CD86: variants seen among roughly 807,000 people sequenced by gnomAD.
The protein encoded by CD86 is T-lymphocyte activation antigen CD86.
Under a neutral mutation model 32.1 loss-of-function variants are expected in CD86, and 11 were observed. That is an observed-to-expected ratio of 0.34 (90% confidence interval 0.22 to 0.57). The LOEUF (loss-of-function observed/expected upper bound fraction) is 0.57. CD86 is among the 20% of genes least tolerant of loss of function. CD86 has a pLI of 0.86. For synonymous variants in CD86, 137 were observed against 135.3 expected (o/e 1.01, Z -0.09); for missense variants, 359 against 398.4 (o/e 0.90, Z 0.84).
chr3:122,078,820 A>T (rs2072589916), intron 1 of CD86, among the ~76,000 whole-genome samples: 1 of 152,230 alleles, frequency 6.6e-6, no homozygotes, highest in Non-Finnish European at 1.5e-5. Flanking sequence ...AACTGTAATA[A>T]TGAAGGAAAT....
At chr3:122,090,161 C>T (rs541867878) in intron 1 of CD86, among the ~76,000 whole-genome samples, 2 of 152,130 alleles carry the variant, frequency 1.3e-5, no homozygotes, top group African/African-American at 4.8e-5. Context: ...GTACCATCTA[C>T]ATTTAGTACC....
In CD86 at chr3:122,055,380, C is replaced by A; in HGVS notation, c.-110C>A. The A allele has an allele frequency of 9.3e-7, 1 of 1,073,288 alleles. No individual in the cohort carries two copies. Among genetic ancestry groups the A allele is most frequent in the Non-Finnish European group, 1.4e-6 (1 of 692,256 alleles). 66.5% of individuals were successfully genotyped at this position (1,073,288 alleles called of 1,614,324 possible). ...GGTATACAGTCATTGCCGAGGAAGG[C>A]TTGCACAGGGTGAAAGCTTTGCTTC... On this transcript the variant is annotated 5_prime_UTR_variant, in exon 1 of 7. Transcript: ENST00000330540.
At chr3:122,082,849 G>A (rs959851354) in intron 1 of CD86, among the ~76,000 whole-genome samples, 2 of 152,126 alleles carry the variant, frequency 1.3e-5, no homozygotes, top group Admixed American at 6.5e-5. Flanking sequence ...TTTGATTTCT[G>A]TTGCTTTTAT....
chr3:122,115,675 G>C lies in CD86; in HGVS notation c.848-2373G>C, dbSNP rs2073238288. Among the ~76,000 whole-genome samples, 3 of 142,312 alleles carry C rather than the reference G, an allele frequency of 2.1e-5. No homozygotes were observed. The South Asian group carries it at 7.2e-4, about 34-fold the overall frequency. 93.4% of individuals were successfully genotyped at this position (142,312 alleles called of 152,430 possible). On this transcript the variant is annotated intron_variant, in intron 5 of 6. Transcript: ENST00000330540. ...GAATTGCTTGAACCCGGGAGGCAGAGGTTGCTGTGAGCTGAGATCGTGCCA... is the reference window on the plus strand; with the variant it reads ...GAATTGCTTGAACCCGGGAGGCAGACGTTGCTGTGAGCTGAGATCGTGCCA...
intron 1 of CD86, among the ~76,000 whole-genome samples, chr3:122,069,693 G>T (rs1305809672): frequency 6.6e-6 from 1 of 152,088 alleles, no homozygotes; most frequent in Non-Finnish European, 1.5e-5. Context: ...GGCCCCTGTG[G>T]CCTTCCTCCA....
intron 1 of CD86, among the ~76,000 whole-genome samples, chr3:122,061,182 TAAA>T (rs1216061518): frequency 6.6e-6 from 1 of 152,180 alleles, no homozygotes; most frequent in African/African-American, 2.4e-5. Flanking sequence ...TGGATAAACC[TAAA>T]ATACTCAACT....
At chr3:122,060,885 A>G (rs2072323282) in intron 1 of CD86, among the ~76,000 whole-genome samples, 1 of 152,180 alleles carries the variant, frequency 6.6e-6, no homozygotes, top group Admixed American at 6.5e-5. Context: ...CAAGCCCAAG[A>G]GGAATTTCAG....
At chr3:122,089,249 A>G (rs934037056) in intron 1 of CD86, among the ~76,000 whole-genome samples, 4 of 152,222 alleles carry the variant, frequency 2.6e-5, no homozygotes, top group Non-Finnish European at 4.4e-5. Context: ...AGATGGATGT[A>G]GTGATGACTG....
At chr3:122,076,501 A>C (rs1198017960) in intron 1 of CD86, among the ~76,000 whole-genome samples, 1 of 152,226 alleles carries the variant, frequency 6.6e-6, no homozygotes, top group East Asian at 1.9e-4. Flanking sequence ...GGTGGGATCT[A>C]TCTGTATGAA....
chr3:122,096,770 T>C (rs1028511733), intron 2 of CD86, among the ~76,000 whole-genome samples: 2 of 152,236 alleles, frequency 1.3e-5, no homozygotes, highest in Admixed American at 1.3e-4. Context: ...GAATCCATGC[T>C]ATTAGTTATA....
chr3:122,087,920 C>T (rs1025067784), intron 1 of CD86, among the ~76,000 whole-genome samples: 3 of 152,136 alleles, frequency 2.0e-5, no homozygotes, highest in African/African-American at 7.2e-5. Flanking sequence ...GATTCCTTGT[C>T]AGGGTCAGTG....
At chr3:122,115,208 A>G (rs756981081) in intron 5 of CD86, among the ~76,000 whole-genome samples, 1 of 152,242 alleles carries the variant, frequency 6.6e-6, no homozygotes, top group Non-Finnish European at 1.5e-5. Context: ...AATTATTTCT[A>G]TATACTAACA....
rs746331733 is a variant in CD86, at chr3:122,106,489, C to CT, written c.695dup (p.Ser233LeufsTer5). On this transcript the variant is annotated frameshift_variant, in exon 4 of 7. Coordinates refer to ENST00000330540, the MANE Select transcript of CD86 (RefSeq NM_175862.5). LOFTEE classifies it high-confidence loss of function. ...GACAAGACGCGGCTTTTATCTTCAC[C>CT]TTTCTCTATAGGTAAAGCTGTTTTC... 6.2e-7 allele frequency: 1 copy of CT among 1,606,736 alleles called. No individual in the cohort carries two copies. Among genetic ancestry groups the CT allele is most frequent in the Admixed American group, 1.7e-5 (1 of 59,420 alleles).
At chr3:122,074,988 C>T (rs2072537030) in intron 1 of CD86, among the ~76,000 whole-genome samples, 1 of 152,090 alleles carries the variant, frequency 6.6e-6, no homozygotes, top group Non-Finnish European at 1.5e-5. Flanking sequence ...CCACTCCACC[C>T]TTGGCTCTGA....
chr3:122,083,253 T>C (rs1422607509), intron 1 of CD86, among the ~76,000 whole-genome samples: 1 of 152,220 alleles, frequency 6.6e-6, no homozygotes, highest in Non-Finnish European at 1.5e-5. Flanking sequence ...GTCTCAGCTC[T>C]AATTTCTTTG....
intron 1 of CD86, among the ~76,000 whole-genome samples, chr3:122,086,151 A>C (rs1414532657): frequency 6.6e-6 from 1 of 152,142 alleles, no homozygotes; most frequent in Non-Finnish European, 1.5e-5. Flanking sequence ...ACAACCCCTC[A>C]ATCTCTAGAA....
intron 2 of CD86, among the ~76,000 whole-genome samples, chr3:122,092,782 G>T (rs1483004325): frequency 6.6e-6 from 1 of 152,210 alleles, no homozygotes; most frequent in Non-Finnish European, 1.5e-5. Context: ...CCAGCCATGA[G>T]TTCACCTCCT....
chr3:122,056,191 A>G (rs1398703125), intron 1 of CD86, among the ~76,000 whole-genome samples: 8 of 152,144 alleles, frequency 5.3e-5, no homozygotes, highest in African/African-American at 1.7e-4. Flanking sequence ...CACACTATTC[A>G]TAAGGGGTAG....
chr3:122,114,318 TCTG>T (rs1295871047), intron 5 of CD86, among the ~76,000 whole-genome samples: 1 of 152,066 alleles, frequency 6.6e-6, no homozygotes, highest in Non-Finnish European at 1.5e-5. Flanking sequence ...GAAGTAGACT[TCTG>T]CTTCCTCCAA....
Sources: allele counts gnomAD v4.1 joint callset (sites outside exome capture counted in the v4.1 genomes callset), GRCh38; gene constraint gnomAD v4.1.1; transcripts MANE v1.5; gene names NCBI Gene and HGNC (gene_info 2026-07-23, HGNC 2026-07-21).